The following BAZ2B variants were observed in gnomAD, a reference collection of about 807,000 sequenced individuals.
The protein encoded by BAZ2B is bromodomain adjacent to zinc finger domain 2B.
In BAZ2B, 91 loss-of-function variants were observed where a neutral mutation model predicts 246.0. The observed-to-expected ratio is 0.37, with a 90% CI of 0.31 to 0.44. The LOEUF (loss-of-function observed/expected upper bound fraction) is 0.44, where lower values mean the gene tolerates loss of function less well. Among genes scored for constraint, BAZ2B ranks in the 20% least tolerant of loss-of-function variants. The pLI is 1.00. For synonymous variants in BAZ2B, 855 were observed against 860.0 expected, an observed-to-expected ratio of 0.99 and a Z score of 0.10; for missense variants, 2,332 against 2,533.7, an observed-to-expected ratio of 0.92 and a Z score of 1.71.
chr2:159,580,945 AC>A (rs1239775022), intron 1 of BAZ2B, among the ~76,000 whole-genome samples: 1 of 152,250 alleles, frequency 6.6e-6, no homozygotes, highest in East Asian at 1.9e-4. Flanking sequence ...TAAATGTCAG[AC>A]CTAAAATCAT....
chr2:159,685,476 A>G, the BAZ2B span, among the ~76,000 whole-genome samples: 1 of 152,226 alleles, frequency 6.6e-6, no homozygotes, highest in Non-Finnish European at 1.5e-5. Context: ...TGGTTTCTAA[A>G]TATCATTCTC....
At chr2:159,552,455 G>C (rs1394244624) in intron 2 of BAZ2B, among the ~76,000 whole-genome samples, 1 of 152,092 alleles carries the variant, frequency 6.6e-6, no homozygotes, top group East Asian at 1.9e-4. Flanking sequence ...CGAAGAGGGA[G>C]GAAAGCTAAT....
chr2:159,424,911 T>C (rs976403844), intron 13 of BAZ2B, among the ~76,000 whole-genome samples: 5 of 152,330 alleles, frequency 3.3e-5, no homozygotes, highest in Admixed American at 2.6e-4. Flanking sequence ...AGATACATTT[T>C]TTTTTCCTGA....
At chr2:159,591,393 C>G (rs1689357347) in intron 1 of BAZ2B, among the ~76,000 whole-genome samples, 1 of 152,168 alleles carries the variant, frequency 6.6e-6, no homozygotes, top group African/African-American at 2.4e-5. Context: ...ATTTCAGTTG[C>G]TGGGTTTCTT....
chr2:159,657,996 T>G, the BAZ2B span, among the ~76,000 whole-genome samples: 2 of 152,238 alleles, frequency 1.3e-5, no homozygotes, highest in Admixed American at 6.5e-5. Context: ...AGTGGACATC[T>G]CTGCCCTGTT....
the BAZ2B span, among the ~76,000 whole-genome samples, chr2:159,659,066 ATAATGTG>A: frequency 6.6e-6 from 1 of 152,204 alleles, no homozygotes; most frequent in Non-Finnish European, 1.5e-5. Context: ...CCAGCTTGAC[ATAATGTG>A]TTAGGAAGCA....
chr2:159,617,296 C>CT (rs1696198469), upstream of BAZ2B, among the ~76,000 whole-genome samples: 1 of 152,052 alleles, frequency 6.6e-6, no homozygotes, highest in African/African-American at 2.4e-5. Flanking sequence ...TCTCTTCCAA[C>CT]TTTGTTTTTA....
chr2:159,385,470 G>A, intron 22 of BAZ2B, 101 bp from the exon 23 acceptor site: 2 of 999,076 alleles, frequency 2.0e-6, no homozygotes, highest in Non-Finnish European at 2.9e-6. Flanking sequence ...AGATACTACT[G>A]ACAAGAGCTT....
chr2:159,549,107 C>T (rs191081628), intron 2 of BAZ2B, among the ~76,000 whole-genome samples: 2 of 152,204 alleles, frequency 1.3e-5, no homozygotes, highest in South Asian at 4.1e-4. Flanking sequence ...ATGGCGAAAC[C>T]TCATCTCTAC....
intron 1 of BAZ2B, among the ~76,000 whole-genome samples, chr2:159,582,887 T>C (rs979026918): frequency 6.6e-6 from 1 of 152,196 alleles, no homozygotes; most frequent in Non-Finnish European, 1.5e-5. Flanking sequence ...GTTAAGTAAA[T>C]GACTAAATAT....
chr2:159,528,598 AC>A (rs1376811867), intron 2 of BAZ2B, among the ~76,000 whole-genome samples: 3 of 151,246 alleles, frequency 2.0e-5, no homozygotes, highest in Non-Finnish European at 4.4e-5. Flanking sequence ...CAGGAGAATC[AC>A]TTGAACCTGG....
chr2:159,515,721 G>C (rs1317195756), intron 2 of BAZ2B, among the ~76,000 whole-genome samples: 2 of 152,006 alleles, frequency 1.3e-5, no homozygotes, highest in Non-Finnish European at 2.9e-5. Context: ...CCAGATTTAG[G>C]ATTAAAACTA....
chr2:159,434,961 A>G (rs1393661797), intron 8 of BAZ2B: 1 of 152,068 alleles, frequency 6.6e-6, no homozygotes, highest in Non-Finnish European at 1.5e-5. Context: ...TAATTAAAAT[A>G]TTACATAAAA....
chr2:159,405,052 G>C lies in BAZ2B; in HGVS notation c.2740C>G (p.Arg914Gly). Residue 914 changes from arginine to glycine, a missense_variant, in exon 15 of 37, where the codon CGG becomes GGG. Around this residue, in one of 9 missense-constraint regions of BAZ2B, gnomAD observed 651 missense variants for 650.9 expected, o/e 1.00. Coordinates refer to ENST00000392783, the MANE Select transcript of BAZ2B (RefSeq NM_013450.4). ...LRKLQKQEQARVAKEAKKQQA... is the reference protein window; with the variant it reads ...LRKLQKQEQAGVAKEAKKQQA... ...TGTTTTTTGGCTTCTTTAGCAACCC[G>C]AGCCTGTTCCTGCTTTTGAAGTTTT... is the stretch of plus-strand genomic sequence containing the variant. 1 of 1,613,980 alleles carries C rather than the reference G, an allele frequency of 6.2e-7. No individual in the cohort carries two copies. The highest frequency in any genetic ancestry group is 8.5e-7 in the Non-Finnish European group (1 of 1,179,960).
the BAZ2B span, among the ~76,000 whole-genome samples, chr2:159,642,556 T>A: frequency 2.6e-5 from 4 of 151,986 alleles, no homozygotes; most frequent in African/African-American, 7.2e-5. Context: ...TCTTAATAAC[T>A]AATGGGGGAA....
the BAZ2B span, among the ~76,000 whole-genome samples, chr2:159,702,600 C>G: frequency 0.46 from 69,514 of 151,944 alleles, 16,750 homozygotes; most frequent in Middle Eastern, 0.64. Context: ...GTTATTAACA[C>G]AAGAAAGTGA....
At chr2:159,602,471 A>ACACTC (rs1692386354) in intron 1 of BAZ2B, among the ~76,000 whole-genome samples, 1 of 152,246 alleles carries the variant, frequency 6.6e-6, no homozygotes, top group Non-Finnish European at 1.5e-5. Flanking sequence ...AGGGTAATAA[A>ACACTC]CACTCAAAAC....
intron 2 of BAZ2B, among the ~76,000 whole-genome samples, chr2:159,547,325 T>C (rs971415282): frequency 6.6e-6 from 1 of 152,184 alleles, no homozygotes; most frequent in Non-Finnish European, 1.5e-5. Context: ...TTAGTTAAAC[T>C]TTTTTAACAT....
chr2:159,700,932 A>G, the BAZ2B span, among the ~76,000 whole-genome samples: 1 of 152,232 alleles, frequency 6.6e-6, no homozygotes, highest in East Asian at 1.9e-4. Context: ...AATTTTTATT[A>G]GAGAAAGATG....
Sources: allele counts gnomAD v4.1 joint callset (sites outside exome capture counted in the v4.1 genomes callset), GRCh38; gene constraint gnomAD v4.1.1; regional missense constraint gnomAD v4.1.1; transcripts MANE v1.5; gene names NCBI Gene and HGNC (gene_info 2026-07-23, HGNC 2026-07-21).